The following SPTBN4 variants were observed in gnomAD, a reference collection of about 807,000 sequenced individuals.
The protein encoded by SPTBN4 is spectrin beta chain, non-erythrocytic 4.
A neutral mutation model predicts 277.8 loss-of-function variants in SPTBN4; 96 were observed. The observed-to-expected ratio is 0.35, with a 90% CI of 0.29 to 0.41. SPTBN4 has a LOEUF of 0.41. Ranked by LOEUF, SPTBN4 falls within the 10% of genes least tolerant of loss-of-function variation. The pLI is 1.00. For synonymous variants in SPTBN4, 1,481 were observed against 1,580.3 expected, an observed-to-expected ratio of 0.94 and a Z score of 1.49; for missense variants, 3,006 against 3,595.7, an observed-to-expected ratio of 0.84 and a Z score of 4.19.
chr19:40,567,232 A>C, intron 30 of SPTBN4: 1 of 419,318 alleles, frequency 2.4e-6, no homozygotes, highest in East Asian at 7.4e-5. Context: ...CTGGAGGTCA[A>C]GGCTGCAATG....
chr19:40,509,795 G>A lies in SPTBN4; in HGVS notation c.1817-2811G>A, dbSNP rs561177547. Among the ~76,000 whole-genome samples the A allele has an allele frequency of 2.2e-3, 336 of 152,286 alleles. 3 individuals carry two copies. In the South Asian group the frequency reaches 0.025, roughly 11 times the overall value. ...CCTGTCTGGCTTGCAGGTTGATGGG[G>A]AAGTTTCTCACCCTAGCCGACCTGG... is the stretch of plus-strand genomic sequence containing the variant. On this transcript the variant is annotated intron_variant, in intron 13 of 35. Coordinates refer to ENST00000598249, the MANE Select transcript of SPTBN4 (RefSeq NM_020971.3).
intron 13 of SPTBN4, 21 bp from the exon 14 acceptor site, chr19:40,512,585 G>A: frequency 1.3e-6 from 2 of 1,513,198 alleles, no homozygotes; most frequent in Non-Finnish European, 1.8e-6. Context: ...AATCCTGGAT[G>A]CTCCCCTTCT....
chr19:40,474,834 G>C (rs1207209110), intron 2 of SPTBN4, among the ~76,000 whole-genome samples: 2 of 152,102 alleles, frequency 1.3e-5, no homozygotes, highest in Non-Finnish European at 2.9e-5. Context: ...GGGGGTTTCA[G>C]TGAGCTGAGA....
chr19:40,523,831 TCTCA>T (rs774651152), intron 17 of SPTBN4, among the ~76,000 whole-genome samples, 192 bp downstream of exon 17: 2 of 151,752 alleles, frequency 1.3e-5, no homozygotes, highest in Admixed American at 1.3e-4. Context: ...TGAGACGGGG[TCTCA>T]CTGTGTTGCC....
intron 17 of SPTBN4, among the ~76,000 whole-genome samples, chr19:40,525,619 T>G (rs1037573324): frequency 3.3e-5 from 5 of 152,230 alleles, no homozygotes; most frequent in Admixed American, 1.3e-4. Context: ...CCTTTCACTC[T>G]ATTGTTTATT....
chr19:40,527,656 T>C (rs1267460318), intron 17 of SPTBN4, among the ~76,000 whole-genome samples: 1 of 152,010 alleles, frequency 6.6e-6, no homozygotes, highest in East Asian at 1.9e-4. Context: ...TGAGGCTTGC[T>C]CAAGGCACAG....
intron 7 of SPTBN4, among the ~76,000 whole-genome samples, chr19:40,498,533 G>A (rs936927852): frequency 4.0e-5 from 6 of 151,046 alleles, no homozygotes; most frequent in African/African-American, 1.5e-4. Context: ...AGCCTCCCAA[G>A]TAGCTTGGAC....
At chr19:40,493,134 C>A in intron 5 of SPTBN4, 80 bp downstream of exon 5, 1 of 1,358,300 alleles carries the variant, frequency 7.4e-7, no homozygotes, top group South Asian at 1.2e-5. Flanking sequence ...GACAAGAGCT[C>A]AAGGGGCAGC....
At chr19:40,522,034 CTTCT>C (rs1352543605) in intron 16 of SPTBN4, among the ~76,000 whole-genome samples, 1 of 152,046 alleles carries the variant, frequency 6.6e-6, no homozygotes, top group African/African-American at 2.4e-5. Flanking sequence ...GTTTAGTTGT[CTTCT>C]TTTTTTGAGA....
chr19:40,544,015 T>C (rs991761437), intron 20 of SPTBN4, among the ~76,000 whole-genome samples: 23 of 152,178 alleles, frequency 1.5e-4, no homozygotes, highest in African/African-American at 5.3e-4. Context: ...CCTCCCCCAG[T>C]AAGTACCATC....
In SPTBN4 at chr19:40,557,268, G is replaced by C. The variant is rs578014615; in HGVS notation, c.5535G>C (p.Glu1845Asp). 1 of 1,613,732 alleles carries C rather than the reference G, an allele frequency of 6.2e-7. No individual in the cohort carries two copies. Among genetic ancestry groups the C allele is most frequent in the East Asian group, 2.2e-5 (1 of 44,874 alleles). Reference sequence around the variant, plus strand: ...ATAAGTTCTTCAGTGACGCCCGAGAGCTTCAGGGACAGATTGAGGAGAAGC... The same window carrying C: ...ATAAGTTCTTCAGTGACGCCCGAGACCTTCAGGGACAGATTGAGGAGAAGC... ...ELHKFFSDAR[E>D]LQGQIEEKRR... Residue 1845 changes from glutamate (E) to aspartate (D), a missense_variant, in exon 26 of 36, where the codon GAG (glutamate) becomes GAC (aspartate). By Grantham distance (45) the Glu-to-Asp change is conservative. This residue lies in a region of SPTBN4 where 425 missense variants were observed against 594.7 expected (regional missense o/e 0.71). Coordinates refer to ENST00000598249, the MANE Select transcript of SPTBN4 (RefSeq NM_020971.3).
chr19:40,554,437 C>A lies in SPTBN4; in HGVS notation c.4953+12C>A. 6.5e-7 allele frequency: 1 copy of A among 1,544,482 alleles called. No homozygotes were observed. Among genetic ancestry groups the A allele is most frequent in the Non-Finnish European group, 8.8e-7 (1 of 1,142,164 alleles). On this transcript the variant is annotated intron_variant, in intron 23 of 35. Coordinates refer to ENST00000598249, the MANE Select transcript of SPTBN4 (RefSeq NM_020971.3). This position sits in a 1 kb window ranked among gnomAD's most constrained non-coding sequence, Gnocchi z 5.7. Reference sequence around the variant, plus strand: ...AGGACAAGGGCAAGGTGCGCCCGAGCTGGGGGTGCGGAGGGCCTGGGGGCG... The same window carrying A: ...AGGACAAGGGCAAGGTGCGCCCGAGATGGGGGTGCGGAGGGCCTGGGGGCG...
chr19:40,526,486 T>TA (rs1250342367), intron 17 of SPTBN4, among the ~76,000 whole-genome samples: 5 of 152,042 alleles, frequency 3.3e-5, no homozygotes, highest in Non-Finnish European at 5.9e-5. Context: ...GTGCTGTTCT[T>TA]ATCTGCGTTT....
At position 40,471,913 on chromosome 19, in the gene SPTBN4, T is replaced by C. The variant is rs1015617338; in HGVS notation, c.-15-694T>C. Among the ~76,000 whole-genome samples, 861 of 148,746 alleles carry C rather than the reference T, an allele frequency of 5.8e-3. 20 individuals are homozygous for C. The highest frequency in any genetic ancestry group is 0.02 in the African/African-American group (791 of 40,386). ...TGCCACCACATCCAGCTATTTTTTT[T>C]TTTTTTTTTTTTTTGAGACAGAGTT... On this transcript the variant is annotated intron_variant, in intron 1 of 35. Coordinates refer to ENST00000598249, the MANE Select transcript of SPTBN4 (RefSeq NM_020971.3).
intron 14 of SPTBN4, among the ~76,000 whole-genome samples, chr19:40,514,196 GTGTTT>G (rs2080427625): frequency 6.6e-6 from 1 of 152,200 alleles, no homozygotes; most frequent in Non-Finnish European, 1.5e-5. Flanking sequence ...CATTCAGCAG[GTGTTT>G]ACTGAGTGCC....
chr19:40,540,023 T>G (rs2080780967), intron 20 of SPTBN4, among the ~76,000 whole-genome samples: 1 of 151,588 alleles, frequency 6.6e-6, no homozygotes, highest in Non-Finnish European at 1.5e-5. Flanking sequence ...GCCTCCTGGG[T>G]TCAAGTGATT....
chr19:40,571,773 G>A (rs2081157641), intron 33 of SPTBN4: 2 of 401,840 alleles, frequency 5.0e-6, no homozygotes, highest in Admixed American at 8.4e-5. Context: ...AGGAAATTCA[G>A]TATGGGAGGG....
intron 33 of SPTBN4, 191 bp downstream of exon 33, chr19:40,570,919 G>A (rs2081150597): frequency 8.4e-6 from 5 of 593,548 alleles, no homozygotes; most frequent in Non-Finnish European, 1.4e-5. Flanking sequence ...AGGAGGGGGT[G>A]TGGTTTAACG....
chr19:40,532,525 C>A lies in SPTBN4; in HGVS notation c.3949-100C>A, dbSNP rs75876660. On this transcript the variant is annotated intron_variant, in intron 18 of 35. Coordinates refer to ENST00000598249, the MANE Select transcript of SPTBN4 (RefSeq NM_020971.3). ...CTTTCCTATTCCTTCCACCCATACACCCTAGCAGCCCAGGCCCTGAACCTG... is the reference window on the plus strand; with the variant it reads ...CTTTCCTATTCCTTCCACCCATACAACCTAGCAGCCCAGGCCCTGAACCTG... The A allele has an allele frequency of 8.2e-4, 1,206 of 1,465,062 alleles. 15 individuals are homozygous for A. In the African/African-American group the frequency reaches 0.016, roughly 19 times the overall value. 90.8% of individuals were successfully genotyped at this position (1,465,062 alleles called of 1,614,324 possible).
Sources: gnomAD v4.1 joint callset for allele counts (sites outside exome capture counted in the v4.1 genomes callset) on GRCh38, gnomAD v4.1.1 for gene constraint, gnomAD v4.1.1 regional missense constraint, Gnocchi (gnomAD v3.1) non-coding constraint, MANE v1.5 for transcripts, NCBI Gene and HGNC (gene_info 2026-07-23, HGNC 2026-07-21) for gene names.